HIBADH: variants seen among roughly 807,000 people sequenced by gnomAD.
The protein encoded by HIBADH is 3-hydroxyisobutyrate dehydrogenase, mitochondrial.
Under a neutral mutation model 36.1 loss-of-function variants are expected in HIBADH, and 25 were observed. The ratio of observed to expected loss-of-function variants is 0.69; its 90% CI spans 0.50 to 0.97. The LOEUF is 0.97. Ranked by LOEUF, HIBADH falls within the 50% of genes least tolerant of loss-of-function variation. The pLI is 0.00. For synonymous variants in HIBADH, 160 were observed against 149.5 expected, an observed-to-expected ratio of 1.07 and a Z score of -0.51; for missense variants, 421 against 418.0, an observed-to-expected ratio of 1.01 and a Z score of -0.06.
At chr7:27,579,764 C>T (rs1433275789) in intron 4 of HIBADH, among the ~76,000 whole-genome samples, 2 of 152,254 alleles carry the variant, frequency 1.3e-5, no homozygotes, top group East Asian at 3.9e-4. Flanking sequence ...CACAACATTA[C>T]GTTTAGAAAT....
chr7:27,584,555 G>A (rs900718543), intron 4 of HIBADH, among the ~76,000 whole-genome samples: 2 of 151,938 alleles, frequency 1.3e-5, no homozygotes, highest in Non-Finnish European at 2.9e-5. Flanking sequence ...TCTATAAGAT[G>A]TCTTGTTATT....
chr7:27,661,355 C>T (rs946167007), intron 1 of HIBADH, among the ~76,000 whole-genome samples: 4 of 151,944 alleles, frequency 2.6e-5, no homozygotes, highest in African/African-American at 9.6e-5. Flanking sequence ...AATCCCAACG[C>T]TTTGGGAGGA....
chr7:27,608,596 T>G (rs1444086240), intron 4 of HIBADH, among the ~76,000 whole-genome samples: 1 of 152,048 alleles, frequency 6.6e-6, no homozygotes, highest in Non-Finnish European at 1.5e-5. Context: ...CATCTCCTCC[T>G]CCCACCTCAC....
At chr7:27,636,346 G>A (rs1785841129) in intron 2 of HIBADH, among the ~76,000 whole-genome samples, 1 of 152,206 alleles carries the variant, frequency 6.6e-6, no homozygotes, top group Non-Finnish European at 1.5e-5. Flanking sequence ...ATCTTTAACA[G>A]TACTCTTTAA....
intron 3 of HIBADH, among the ~76,000 whole-genome samples, chr7:27,631,366 C>T (rs1785743065): frequency 6.6e-6 from 1 of 152,154 alleles, no homozygotes. Flanking sequence ...TCTTTTGCTT[C>T]CTTCCAAGTT....
intron 4 of HIBADH, among the ~76,000 whole-genome samples, chr7:27,577,327 CT>C (rs1339494732): frequency 7.1e-6 from 1 of 141,402 alleles, no homozygotes; most frequent in Non-Finnish European, 1.5e-5. Context: ...CCACACCTGA[CT>C]TATTTTTTAT....
chr7:27,562,702 C>T (rs1470248685), intron 4 of HIBADH, among the ~76,000 whole-genome samples: 1 of 152,300 alleles, frequency 6.6e-6, no homozygotes, highest in South Asian at 2.1e-4. Context: ...AAGTGATCGT[C>T]CTGTCTTGGC....
chr7:27,580,921 T>C (rs1042207005), intron 4 of HIBADH, among the ~76,000 whole-genome samples: 7 of 152,108 alleles, frequency 4.6e-5, no homozygotes, highest in African/African-American at 1.4e-4. Context: ...AACAGGAGGA[T>C]AGGCAGAGTA....
At chr7:27,566,844 A>T (rs907156301) in intron 4 of HIBADH, among the ~76,000 whole-genome samples, 1 of 152,140 alleles carries the variant, frequency 6.6e-6, no homozygotes, top group African/African-American at 2.4e-5. Flanking sequence ...TTGAGGAGTA[A>T]ATCTCCATAT....
At chr7:27,559,965 T>C (rs1169322122) in intron 4 of HIBADH, among the ~76,000 whole-genome samples, 2 of 152,212 alleles carry the variant, frequency 1.3e-5, no homozygotes, top group South Asian at 2.1e-4. Context: ...TATTCACTGA[T>C]ATATAATAAT....
At position 27,542,907 on chromosome 7, in the gene HIBADH, GAA is replaced by G. The variant is rs1003598905; in HGVS notation, c.618+58_618+59del. On this transcript the variant is annotated intron_variant, in intron 5 of 7. Transcript: ENST00000265395. ...AGAATAAAAATATGGTCAGGAAAGA[GAA>G]AGGAACATTAGTCAATTTTACATCA... is the stretch of plus-strand genomic sequence containing the variant. 4 of 1,528,508 alleles carry G rather than the reference GAA, an allele frequency of 2.6e-6. No homozygotes were observed. In the African/African-American group the frequency reaches 4.2e-5, roughly 16 times the overall value. 94.7% of individuals were successfully genotyped at this position (1,528,508 alleles called of 1,614,324 possible). A position where few individuals can be genotyped will look rare whatever the true frequency, so the allele number is the denominator to read the frequency against.
chr7:27,531,474 G>A (rs1014373), intron 6 of HIBADH, 126 bp from the exon 7 acceptor site: 568,063 of 786,212 alleles, frequency 0.72, 207,709 homozygotes, highest in East Asian at 0.94. Flanking sequence ...ATCTAAGCAG[G>A]TTGATACGAG....
intron 4 of HIBADH, among the ~76,000 whole-genome samples, chr7:27,559,323 G>A (rs909772043): frequency 3.9e-5 from 6 of 152,094 alleles, no homozygotes; most frequent in Non-Finnish European, 8.8e-5. Flanking sequence ...CAAAACCACA[G>A]CTTAAAACTG....
intron 2 of HIBADH, among the ~76,000 whole-genome samples, chr7:27,647,241 C>T (rs1156538033): frequency 2.0e-5 from 3 of 152,084 alleles, no homozygotes; most frequent in African/African-American, 4.8e-5. Flanking sequence ...AGCATGGAGA[C>T]GCTGGACAAA....
At chr7:27,628,933 T>C (rs1785696591) in intron 4 of HIBADH, among the ~76,000 whole-genome samples, 1 of 152,126 alleles carries the variant, frequency 6.6e-6, no homozygotes, top group Non-Finnish European at 1.5e-5. Context: ...AAAATTTAGA[T>C]GATCTGCTCC....
At chr7:27,536,044 C>T (rs545158284) in intron 6 of HIBADH, among the ~76,000 whole-genome samples, 2 of 152,196 alleles carry the variant, frequency 1.3e-5, no homozygotes, top group South Asian at 4.1e-4. Flanking sequence ...TGATGCTATA[C>T]TACTTTGCGG....
chr7:27,600,730 A>T (rs955491794), intron 4 of HIBADH, among the ~76,000 whole-genome samples: 1 of 152,180 alleles, frequency 6.6e-6, no homozygotes, highest in African/African-American at 2.4e-5. Context: ...CTTCTAAAAC[A>T]ATCTGGAAAC....
chr7:27,534,943 G>A (rs1475367829), intron 6 of HIBADH, among the ~76,000 whole-genome samples: 1 of 150,742 alleles, frequency 6.6e-6, no homozygotes, highest in African/African-American at 2.4e-5. Context: ...AATGAGAAAA[G>A]CTTAAGTCTG....
intron 4 of HIBADH, among the ~76,000 whole-genome samples, chr7:27,599,332 C>A (rs1282712472): frequency 6.6e-6 from 1 of 152,114 alleles, no homozygotes; most frequent in East Asian, 1.9e-4. Flanking sequence ...CCAATTAGAT[C>A]AATTTCCCTT....
Sources: gnomAD v4.1 joint callset for allele counts (sites outside exome capture counted in the v4.1 genomes callset) on GRCh38, gnomAD v4.1.1 for gene constraint, MANE v1.5 for transcripts, NCBI Gene and HGNC (gene_info 2026-07-23, HGNC 2026-07-21) for gene names.